Variants in SMC3 observed in about 807,000 individuals in gnomAD.
SMC3 encodes structural maintenance of chromosomes 3.
SMC3 carries 20 observed loss-of-function variants against 171.8 expected under a neutral mutation model. The ratio of observed to expected loss-of-function variants is 0.12; its 90% CI spans 0.08 to 0.17. SMC3 has a LOEUF of 0.17. SMC3 is among the 10% of genes least tolerant of loss of function. SMC3 has a pLI of 1.00. For missense variants in SMC3, 543 were observed against 1,420.4 expected, an observed-to-expected ratio of 0.38 and a Z score of 9.93; for synonymous variants, 464 against 451.1, an observed-to-expected ratio of 1.03 and a Z score of -0.36.
intron 18 of SMC3, among the ~76,000 whole-genome samples, chr10:110,594,643 G>C (rs566996919): frequency 6.6e-6 from 1 of 151,956 alleles, no homozygotes; most frequent in Non-Finnish European, 1.5e-5. Context: ...CCAGTATATA[G>C]GTTTAGTTTA....
chr10:110,600,328 A>T lies in SMC3; in HGVS notation c.2428-111A>T, dbSNP rs1217669689. ...GCTTTTTTGAAGAATATAACATATT[A>T]AACTTCATTTCAGCTCACATGAGCA... On this transcript the variant is annotated intron_variant, in intron 21 of 28. Transcript: ENST00000361804. The T allele has an allele frequency of 1.1e-5, 8 of 714,200 alleles. No individual in the cohort carries two copies. In the Admixed American group the frequency reaches 1.8e-4, roughly 16 times the overall value. The allele number at this position is 714,200 out of a possible 1,614,324, so 44.2% of individuals were successfully genotyped here.
rs567795389 is a variant in SMC3, at chr10:110,588,955, A to G, written c.1306-650A>G. ...TATGAGAACTTAGAATTTTTTTTCT[A>G]AAATTCTGGAGTGTATATTATAGAA... On this transcript the variant is annotated intron_variant, in intron 13 of 28. Coordinates refer to ENST00000361804, the MANE Select transcript of SMC3 (RefSeq NM_005445.4). Among the ~76,000 whole-genome samples the G allele has an allele frequency of 1.2e-4, 18 of 152,200 alleles. No homozygotes were observed. In the South Asian group the frequency reaches 1.9e-3, roughly 16 times the overall value.
chr10:110,567,987 G>A (rs1197785049), intron 1 of SMC3, among the ~76,000 whole-genome samples, 156 bp downstream of exon 1: 1 of 152,208 alleles, frequency 6.6e-6, no homozygotes, highest in African/African-American at 2.4e-5. Flanking sequence ...CCCGGGTCCC[G>A]CTAGTGCCCC....
At chr10:110,584,510 A>G (rs1861078827) in intron 13 of SMC3, 114 bp downstream of exon 13, 5 of 718,574 alleles carry the variant, frequency 7.0e-6, no homozygotes, top group South Asian at 5.1e-5. Flanking sequence ...CTTAAAATAT[A>G]TGACAGATAC....
intron 3 of SMC3, among the ~76,000 whole-genome samples, chr10:110,574,410 T>G (rs1160267387): frequency 1.3e-5 from 2 of 152,234 alleles, no homozygotes; most frequent in Non-Finnish European, 2.9e-5. Flanking sequence ...TTGAAAAATT[T>G]GAACTTTTTA....
In SMC3 at chr10:110,602,808, AAT is replaced by A. The variant is rs769849737; in HGVS notation, c.3298-14_3298-13del. On this transcript the variant is annotated splice_polypyrimidine_tract_variant and intron_variant, in intron 26 of 28. Coordinates refer to ENST00000361804, the MANE Select transcript of SMC3 (RefSeq NM_005445.4). ...TCTGCCCTTTAGGATATTAACTCAT[AAT>A]ATGTTTATTTTTAGGTGTCATTTAC... The A allele has an allele frequency of 1.4e-5, 22 of 1,611,340 alleles. No homozygotes were observed. Among genetic ancestry groups the A allele is most frequent in the Non-Finnish European group, 1.8e-5 (21 of 1,177,700 alleles).
rs1590555289 is a variant in SMC3 at position 110,582,053 on chromosome 10, C to T, written c.678C>T (p.Thr226=). 1 of 1,613,706 alleles carries T rather than the reference C, an allele frequency of 6.2e-7. No homozygotes were observed. Among genetic ancestry groups the T allele is most frequent in the South Asian group, 1.1e-5 (1 of 91,072 alleles). The change falls in exon 9 of 29, where the codon ACC becomes ACT. Residue 226 remains threonine (T), a synonymous_variant. Coordinates refer to ENST00000361804, the MANE Select transcript of SMC3 (RefSeq NM_005445.4). The part of the protein sequence containing the change: ...WDKMRRALEY[T]IYNQELNETR... ...AAATGAGACGAGCCCTGGAATATAC[C>T]ATTTACAATCAGGAACTTAACGAGA...
chr10:110,598,077 A>G, intron 19 of SMC3, 62 bp from the exon 20 acceptor site: 1 of 1,491,244 alleles, frequency 6.7e-7, no homozygotes, highest in Non-Finnish European at 9.3e-7. Flanking sequence ...TTGTGTCTAA[A>G]AAGAATTAAG....
intron 13 of SMC3, among the ~76,000 whole-genome samples, chr10:110,586,877 G>C (rs1372864157): frequency 6.6e-6 from 1 of 152,158 alleles, no homozygotes; most frequent in East Asian, 1.9e-4. Context: ...GGCTGTTCTC[G>C]AACTCCTGAC....
At chr10:110,574,343 TAAC>T (rs1860916016) in intron 3 of SMC3, among the ~76,000 whole-genome samples, 2 of 152,224 alleles carry the variant, frequency 1.3e-5, no homozygotes, top group Admixed American at 1.3e-4. Flanking sequence ...ATGCGTCTGT[TAAC>T]AAATCCTTTG....
In SMC3 at chr10:110,577,219, A is replaced by C. The variant is rs78316594; in HGVS notation, c.199-202A>C. ...TTTGGCAAGAGGGATATATACTATA[A>C]CTCTGGGGATATCCCCAAAGTATGT... On this transcript the variant is annotated intron_variant, in intron 4 of 28. Transcript: ENST00000361804. Among the ~76,000 whole-genome samples the C allele has an allele frequency of 0.021, 3,248 of 152,076 alleles. 43 individuals carry two copies. The highest frequency in any genetic ancestry group is 0.048 in the Admixed American group (739 of 15,280).
chr10:110,587,271 G>C (rs1861135519), intron 13 of SMC3, among the ~76,000 whole-genome samples: 1 of 152,124 alleles, frequency 6.6e-6, no homozygotes, highest in Non-Finnish European at 1.5e-5. Flanking sequence ...ATTATATTTT[G>C]AATTTAATAT....
Position 110,605,776 on chromosome 10 carries a change from C to A in SMC3, c.*1474C>A, listed in dbSNP as rs1235710747. On this transcript the variant is annotated 3_prime_UTR_variant, in exon 29 of 29. Coordinates refer to ENST00000361804, the MANE Select transcript of SMC3 (RefSeq NM_005445.4). ...TTCTACCATTTTTCTTACACATTTA[C>A]CCAAGAATTTTTCTCAAACAACTAC... 6.6e-6 allele frequency among the ~76,000 whole-genome samples: 1 copy of A among 152,072 alleles called. No homozygotes were observed. The highest frequency in any genetic ancestry group is 1.5e-5 in the Non-Finnish European group (1 of 68,006).
In SMC3 at chr10:110,567,842, C is replaced by T. The variant is rs369061312; in HGVS notation, c.15+11C>T. On this transcript the variant is annotated intron_variant, in intron 1 of 28. Coordinates refer to ENST00000361804, the MANE Select transcript of SMC3 (RefSeq NM_005445.4). ...ATGTACATAAAGCAGGTAAGGCCTT[C>T]GCGTCCCTCCACCCCGTCATGGGCC... 24 of 1,613,276 alleles carry T rather than the reference C, an allele frequency of 1.5e-5. No individual in the cohort carries two copies. The African/African-American group carries it at 2.5e-4, about 17-fold the overall frequency.
At chr10:110,588,279 C>G (rs758232432) in intron 13 of SMC3, among the ~76,000 whole-genome samples, 1 of 152,114 alleles carries the variant, frequency 6.6e-6, no homozygotes, top group Non-Finnish European at 1.5e-5. Flanking sequence ...TGTGAGCCAC[C>G]GCGCCCGGCC....
chr10:110,600,757 A>G (rs1227669484), intron 22 of SMC3, among the ~76,000 whole-genome samples: 1 of 152,126 alleles, frequency 6.6e-6, no homozygotes, highest in Non-Finnish European at 1.5e-5. Context: ...TGAATTAAGC[A>G]TTATCATACT....
chr10:110,600,956 A>G (rs893985148), intron 22 of SMC3, 66 bp from the exon 23 acceptor site: 10 of 1,132,420 alleles, frequency 8.8e-6, no homozygotes, highest in East Asian at 2.3e-5. Context: ...TATTCAGACA[A>G]TAGCCATAGA....
Position 110,599,837 on chromosome 10 carries a change from A to C in SMC3, c.2427+25A>C, listed in dbSNP as rs764510855. 1.9e-6 allele frequency: 3 copies of C among 1,611,674 alleles called. No individual in the cohort carries two copies. In the South Asian group the frequency reaches 3.3e-5, roughly 18 times the overall value. ...GGTAAGTAGACAGCTGACTGGAAAA[A>C]GAATTCGTTAGTAATTGGCTATTGT... On this transcript the variant is annotated intron_variant, in intron 21 of 28. Coordinates refer to ENST00000361804, the MANE Select transcript of SMC3 (RefSeq NM_005445.4).
At chr10:110,586,098 TA>T (rs1861110560) in intron 13 of SMC3, among the ~76,000 whole-genome samples, 3 of 152,292 alleles carry the variant, frequency 2.0e-5, no homozygotes, top group Middle Eastern at 3.4e-3. Context: ...GCCTGGCCCC[TA>T]ATCTGTTATA....
Sources: gnomAD v4.1 joint callset for allele counts (sites outside exome capture counted in the v4.1 genomes callset) on GRCh38, gnomAD v4.1.1 for gene constraint, MANE v1.5 for transcripts, NCBI Gene and HGNC (gene_info 2026-07-23, HGNC 2026-07-21) for gene names.